GABRR3: variants seen among roughly 807,000 people sequenced by gnomAD.
The protein encoded by GABRR3 is gamma-aminobutyric acid type A receptor subunit rho3, also known as gamma-aminobutyric acid receptor subunit rho-3.
GABRR3 carries 29 observed loss-of-function variants against 43.2 expected under a neutral mutation model. The ratio of observed to expected loss-of-function variants is 0.67; its 90% CI spans 0.50 to 0.92. The LOEUF is 0.92. Ranked by LOEUF, GABRR3 falls within the 40% of genes least tolerant of loss-of-function variation. The probability of loss-of-function intolerance (pLI) is 0.00; values close to 1 mark genes in which losing one functional copy is unlikely to be tolerated. For missense variants in GABRR3, 576 were observed against 572.3 expected, an observed-to-expected ratio of 1.01 and a Z score of -0.07; for synonymous variants, 206 against 195.9, an observed-to-expected ratio of 1.05 and a Z score of -0.43.
chr3:98,007,891 C>T (rs1292053869), exon 7 of GABRR3: 15 of 1,577,088 alleles, frequency 9.5e-6, no homozygotes, highest in Non-Finnish European at 1.2e-5. Flanking sequence ...TTAGGTCATC[C>T]TCATTGTAGG....
chr3:97,996,626 G>A (rs917211139), intron 8 of GABRR3, among the ~76,000 whole-genome samples: 5 of 152,084 alleles, frequency 3.3e-5, no homozygotes, highest in African/African-American at 7.2e-5. Flanking sequence ...CAAGAACGAT[G>A]GAGGCAAAGA....
At chr3:98,025,486 T>G in intron 3 of GABRR3, 81 bp downstream of exon 3, 1 of 871,144 alleles carries the variant, frequency 1.1e-6, no homozygotes, top group Non-Finnish European at 1.7e-6. Flanking sequence ...TTTACTTGCA[T>G]TTTGGTCTTG....
intron 6 of GABRR3, 158 bp downstream of exon 6, chr3:98,008,798 C>CAAAAAAAAAAAAAA (rs57502092): frequency 1.8e-5 from 2 of 113,852 alleles, no homozygotes; most frequent in African/African-American, 6.8e-5. Context: ...AAACAGAAAC[C>CAAAAAAAAAAAAAA]AAAAAAAAAA....
At chr3:98,011,546 C>A (rs1253609149) in intron 5 of GABRR3, among the ~76,000 whole-genome samples, 1 of 152,190 alleles carries the variant, frequency 6.6e-6, no homozygotes, top group Non-Finnish European at 1.5e-5. Flanking sequence ...TAAGTCCCAA[C>A]CAGATAATCC....
chr3:98,025,215 A>C (rs1706995733), intron 3 of GABRR3, among the ~76,000 whole-genome samples: 1 of 152,230 alleles, frequency 6.6e-6, no homozygotes, highest in African/African-American at 2.4e-5. Flanking sequence ...CCCCCAAAGC[A>C]TGGCATTCTA....
At chr3:98,028,221 C>T (rs1357930650) in intron 2 of GABRR3, among the ~76,000 whole-genome samples, 3 of 152,062 alleles carry the variant, frequency 2.0e-5, no homozygotes, top group African/African-American at 7.2e-5. Flanking sequence ...GAATAAAACT[C>T]GGTTTTTGCA....
chr3:98,016,461 A>C (rs1019385280), intron 4 of GABRR3, among the ~76,000 whole-genome samples: 3 of 151,918 alleles, frequency 2.0e-5, no homozygotes, highest in African/African-American at 7.3e-5. Context: ...CCTCACCAGG[A>C]GCAGATGGCG....
At chr3:98,024,945 C>G (rs1348437493) in intron 3 of GABRR3, among the ~76,000 whole-genome samples, 3 of 152,212 alleles carry the variant, frequency 2.0e-5, no homozygotes, top group African/African-American at 7.2e-5. Flanking sequence ...GCCATCGCAG[C>G]TCAGCTCTAC....
exon 10 of GABRR3, chr3:97,986,790 C>G (rs200456017): frequency 3.7e-5 from 59 of 1,610,776 alleles, no homozygotes; most frequent in Non-Finnish European, 4.9e-5. Flanking sequence ...ATGATTCTAC[C>G]AACATGTCCT....
intron 7 of GABRR3, among the ~76,000 whole-genome samples, chr3:98,007,357 A>G (rs913783636): frequency 2.0e-5 from 3 of 152,060 alleles, no homozygotes; most frequent in Non-Finnish European, 4.4e-5. Flanking sequence ...CAGTGTCGGG[A>G]GAGTAGCAGG....
chr3:98,034,889 C>T (rs1483980244), exon 2 of GABRR3: 3 of 1,612,914 alleles, frequency 1.9e-6, no homozygotes, highest in Admixed American at 1.7e-5. Flanking sequence ...AAGAGGAGCA[C>T]CGCTGGTGTG....
intron 6 of GABRR3, among the ~76,000 whole-genome samples, chr3:98,008,743 T>A (rs76610034): frequency 9.4e-5 from 1 of 10,624 alleles, no homozygotes; most frequent in Non-Finnish European, 3.4e-4. Flanking sequence ...ACTTTTCCCC[T>A]GAACCTTCTC....
chr3:98,006,130 G>A (rs1706721853), intron 7 of GABRR3, among the ~76,000 whole-genome samples: 1 of 151,642 alleles, frequency 6.6e-6, no homozygotes, highest in Non-Finnish European at 1.5e-5. Context: ...AGAAGAAGGA[G>A]GAGCAGAAAA....
At chr3:97,993,802 TC>T (rs2107227240) in intron 8 of GABRR3, among the ~76,000 whole-genome samples, 1 of 152,134 alleles carries the variant, frequency 6.6e-6, no homozygotes, top group Non-Finnish European at 1.5e-5. Flanking sequence ...TCTGCTGCCT[TC>T]CCCCTTCCCT....
chr3:98,016,004 G>C (rs1706867853), intron 4 of GABRR3, among the ~76,000 whole-genome samples: 2 of 152,182 alleles, frequency 1.3e-5, no homozygotes, highest in Admixed American at 1.3e-4. Context: ...AGGCAAAGGG[G>C]AAGAAAGCAC....
chr3:97,991,446 T>G (rs1211919552), intron 9 of GABRR3, among the ~76,000 whole-genome samples: 1 of 152,236 alleles, frequency 6.6e-6, no homozygotes, highest in Non-Finnish European at 1.5e-5. Context: ...GCTCCTGGTT[T>G]CCTTACACGT....
intron 3 of GABRR3, among the ~76,000 whole-genome samples, chr3:98,024,883 A>C (rs528144497): frequency 9.8e-5 from 15 of 152,348 alleles, no homozygotes; most frequent in African/African-American, 3.6e-4. Flanking sequence ...AGGAGAAGAA[A>C]GTCTTTGTTC....
intron 4 of GABRR3, among the ~76,000 whole-genome samples, chr3:98,014,349 G>C (rs1288368367): frequency 6.6e-6 from 1 of 152,078 alleles, no homozygotes; most frequent in Non-Finnish European, 1.5e-5. Context: ...GCTTGGGGAA[G>C]TATCATTCAG....
intron 2 of GABRR3, among the ~76,000 whole-genome samples, chr3:98,032,250 T>C (rs1242554256): frequency 1.3e-5 from 2 of 152,154 alleles, no homozygotes; most frequent in Non-Finnish European, 2.9e-5. Context: ...TACCTTTATT[T>C]TAGAAAGTAT....
Sources: allele counts gnomAD v4.1 joint callset (sites outside exome capture counted in the v4.1 genomes callset), GRCh38; gene constraint gnomAD v4.1.1; transcripts MANE v1.5; gene names NCBI Gene and HGNC (gene_info 2026-07-23, HGNC 2026-07-21).